CGB2: variants seen among roughly 807,000 people sequenced by gnomAD.
The protein encoded by CGB2 is choriogonadotropin subunit beta variant 2.
CGB2 carries 4 observed loss-of-function variants against 7.1 expected under a neutral mutation model. The ratio of observed to expected loss-of-function variants is 0.57; its 90% CI spans 0.28 to 1.29. The LOEUF is 1.29. CGB2 is among the 50% of genes most tolerant of loss of function. The pLI is 0.10. For missense variants in CGB2, 88 were observed against 224.0 expected (o/e 0.39, Z 3.88); for synonymous variants, 51 against 100.3 (o/e 0.51, Z 2.94).
Position 49,032,122 on chromosome 19 carries a change from T to G in CGB2, c.9+18T>G. 6.2e-7 allele frequency: 1 copy of G among 1,613,670 alleles called. No homozygotes were observed. The highest frequency in any genetic ancestry group is 8.5e-7 in the Non-Finnish European group (1 of 1,179,752). On this transcript the variant is annotated intron_variant, in intron 1 of 2. Coordinates refer to ENST00000359342, the MANE Select transcript of CGB2 (RefSeq NM_033378.2). ...TGTCAAAGGTAGGGTAGATCGACAT[T>G]TCCAGGCACCAAAGATGGAGATGTT... is the stretch of plus-strand genomic sequence containing the variant.
Position 49,032,670 on chromosome 19 carries a change from T to G in CGB2, c.176T>G (p.Met59Arg). The G allele has an allele frequency of 1.6e-6, 2 of 1,245,502 alleles. No individual in the cohort carries two copies. The allele number at this position is 1,245,502 out of a possible 1,614,324, so 77.2% of individuals were successfully genotyped here. A position where few individuals can be genotyped will look rare whatever the true frequency, so the allele number is the denominator to read the frequency against. The change falls in exon 2 of 3, where the codon ATG (methionine) becomes AGG (arginine). Residue 59 changes from methionine (M) to arginine (R), a missense_variant and splice_region_variant. This residue lies in a region of CGB2 where 59 missense variants were observed against 193.3 expected (regional missense o/e 0.31). Transcript: ENST00000359342. ...TTICAGYCPT[M>R]TRVLQGVLPA... Reference sequence around the variant, plus strand: ...ATCTGTGCCGGCTACTGCCCCACCATGGTGAGCTGCCCGGGGCCGGGGCAG... The same window carrying G: ...ATCTGTGCCGGCTACTGCCCCACCAGGGTGAGCTGCCCGGGGCCGGGGCAG...
rs1463998004 is a variant in CGB2 at position 49,032,092 on chromosome 19, AGAC to A, written c.-3_-1del. 1.9e-6 allele frequency: 3 copies of A among 1,613,782 alleles called. No homozygotes were observed. Among genetic ancestry groups the A allele is most frequent in the Non-Finnish European group, 2.5e-6 (3 of 1,179,830 alleles). On this transcript the variant is annotated 5_prime_UTR_variant, in exon 1 of 3. Transcript: ENST00000359342. ...TGCGGAAGATATCCCGCTAAGAGAG[AGAC>A]ATGTCAAAGGTAGGGTAGATCGACA...
rs560269918 is a variant in CGB2 at position 49,032,024 on chromosome 19, C to A, written c.-72C>A. 1.4e-5 allele frequency: 23 copies of A among 1,607,334 alleles called. No individual in the cohort carries two copies. The highest frequency in any genetic ancestry group is 2.2e-5 in the South Asian group (2 of 90,946). ...CCCCTCACTCCCTGTCTCACTCCCC[C>A]ACGGAGACTCAATTTACTTTCCATG... On this transcript the variant is annotated 5_prime_UTR_variant, in exon 1 of 3. Coordinates refer to ENST00000359342, the MANE Select transcript of CGB2 (RefSeq NM_033378.2).
At chr19:49,032,138 T>G in intron 1 of CGB2, 34 bp downstream of exon 1, 2 of 1,613,532 alleles carry the variant, frequency 1.2e-6, no homozygotes, top group Non-Finnish European at 1.7e-6. Context: ...GCACCAAAGA[T>G]GGAGATGTTC....
At position 49,032,684 on chromosome 19, in the gene CGB2, G is replaced by A. The variant is rs2039755016; in HGVS notation, c.177+13G>A. 1.7e-6 allele frequency: 2 copies of A among 1,168,208 alleles called. No homozygotes were observed. Among genetic ancestry groups the A allele is most frequent in the Non-Finnish European group, 1.2e-6 (1 of 852,542 alleles). 72.4% of individuals were successfully genotyped at this position (1,168,208 alleles called of 1,614,324 possible). On this transcript the variant is annotated intron_variant, in intron 2 of 2. Transcript: ENST00000359342. The stretch of plus-strand genomic sequence containing the variant: ...CTGCCCCACCATGGTGAGCTGCCCG[G>A]GGCCGGGGCAGGTGCTGCCACCTCA...
chr19:49,032,315 G>T, intron 1 of CGB2, 189 bp from the exon 2 acceptor site: 1 of 1,575,962 alleles, frequency 6.3e-7, no homozygotes. Context: ...GATCTAAAAT[G>T]TTGGGGTATC....
Position 49,033,010 on chromosome 19 carries a change from T to C in CGB2, c.281T>C (p.Val94Ala), listed in dbSNP as rs1338269947. Residue 94 changes from valine to alanine, a missense_variant, in exon 3 of 3, where the codon GTG becomes GCG. By Grantham distance (64) the Val-to-Ala change is moderately conservative. Coordinates refer to ENST00000359342, the MANE Select transcript of CGB2 (RefSeq NM_033378.2). ...CGGCTCCCTGGCTGCCCGCGCGGCGTGAACCCCGTGGTCTCCTACGCCGTG... is the reference window on the plus strand; with the variant it reads ...CGGCTCCCTGGCTGCCCGCGCGGCGCGAACCCCGTGGTCTCCTACGCCGTG... ...SIRLPGCPRG[V>A]NPVVSYAVAL... 1 of 1,543,888 alleles carries C rather than the reference T, an allele frequency of 6.5e-7. No individual in the cohort carries two copies. The highest frequency in any genetic ancestry group is 8.8e-7 in the Non-Finnish European group (1 of 1,140,792).
At position 49,032,052 on chromosome 19, in the gene CGB2, C is replaced by T. The variant is rs2039741019; in HGVS notation, c.-44C>T. The T allele has an allele frequency of 3.7e-6, 6 of 1,613,276 alleles. 1 individual carries two copies. The Middle Eastern group carries it at 8.3e-4, about 222-fold the overall frequency. On this transcript the variant is annotated 5_prime_UTR_variant, in exon 1 of 3. Coordinates refer to ENST00000359342, the MANE Select transcript of CGB2 (RefSeq NM_033378.2). The stretch of plus-strand genomic sequence containing the variant: ...GGAGACTCAATTTACTTTCCATGTC[C>T]ACATCCCCAGTGCTTGCGGAAGATA...
Position 49,032,310 on chromosome 19 carries a change from A to T in CGB2, c.10-194A>T, listed in dbSNP as rs548335698. 8 of 1,574,362 alleles carry T rather than the reference A, an allele frequency of 5.1e-6. No homozygotes were observed. The South Asian group carries it at 9.1e-5, about 18-fold the overall frequency. On this transcript the variant is annotated intron_variant, in intron 1 of 2. Transcript: ENST00000359342. ...GGGCAGTTCCTGAGGGTGGGGATCT[A>T]AAATGTTGGGGTATCTGAGATCCTC... is the stretch of plus-strand genomic sequence containing the variant.
Position 49,032,246 on chromosome 19 carries a change from T to G in CGB2, c.9+142T>G, listed in dbSNP as rs553946679. On this transcript the variant is annotated intron_variant, in intron 1 of 2. Coordinates refer to ENST00000359342, the MANE Select transcript of CGB2 (RefSeq NM_033378.2). ...CCAGTGTGAGCTGTGGAAGGAGGCC[T>G]CTTTCTGGAGGAGCGTGACCCCCAG... The G allele has an allele frequency of 8.8e-5, 142 of 1,610,386 alleles. No individual in the cohort carries two copies. The African/African-American group carries it at 1.5e-3, about 17-fold the overall frequency.
Position 49,031,979 on chromosome 19 carries a change from T to A in CGB2, c.-117T>A. 6.9e-7 allele frequency: 1 copy of A among 1,450,414 alleles called. No individual in the cohort carries two copies. Among genetic ancestry groups the A allele is most frequent in the East Asian group, 2.3e-5 (1 of 43,740 alleles). 89.8% of individuals were successfully genotyped at this position (1,450,414 alleles called of 1,614,324 possible). Reference sequence around the variant, plus strand: ...ATTGGGTCCGCTGACTCCGGCCGGGTTCCCGTGCCGCGTCCAACACCCCTC... The same window carrying A: ...ATTGGGTCCGCTGACTCCGGCCGGGATCCCGTGCCGCGTCCAACACCCCTC... On this transcript the variant is annotated 5_prime_UTR_variant, in exon 1 of 3. Coordinates refer to ENST00000359342, the MANE Select transcript of CGB2 (RefSeq NM_033378.2).
In CGB2 at chr19:49,032,085, AAG is replaced by A. The variant is rs766849487; in HGVS notation, c.-3_-2del. 1.8e-4 allele frequency: 295 copies of A among 1,613,788 alleles called. 4 individuals carry two copies. In the South Asian group the frequency reaches 2.9e-3, roughly 16 times the overall value. ...CAGTGCTTGCGGAAGATATCCCGCT[AAG>A]AGAGAGACATGTCAAAGGTAGGGTA... On this transcript the variant is annotated 5_prime_UTR_variant, in exon 1 of 3. Transcript: ENST00000359342.
Position 49,031,891 on chromosome 19 carries a change from C to A in CGB2, c.-205C>A. On this transcript the variant is annotated 5_prime_UTR_variant, in exon 1 of 3. Coordinates refer to ENST00000359342, the MANE Select transcript of CGB2 (RefSeq NM_033378.2). The stretch of plus-strand genomic sequence containing the variant: ...ACCCAGTCCCCAGGGCCAGTGAGGG[C>A]CCTGCGTTCCGTGGCGCCCCCTGGA... 5 of 638,534 alleles carry A rather than the reference C, an allele frequency of 7.8e-6. No individual in the cohort carries two copies. Among genetic ancestry groups the A allele is most frequent in the South Asian group, 7.2e-5 (4 of 55,848 alleles). 39.6% of individuals were successfully genotyped at this position (638,534 alleles called of 1,614,324 possible). A position where few individuals can be genotyped will look rare whatever the true frequency, so the allele number is the denominator to read the frequency against.
At position 49,032,349 on chromosome 19, in the gene CGB2, G is replaced by A. The variant is rs1049888245; in HGVS notation, c.10-155G>A. Reference sequence around the variant, plus strand: ...TCTGAGATCCTCTGGGCTGTGGGGTGGGCTCTGAAAGGCAGGTGTCCGGGT... The same window carrying A: ...TCTGAGATCCTCTGGGCTGTGGGGTAGGCTCTGAAAGGCAGGTGTCCGGGT... On this transcript the variant is annotated intron_variant, in intron 1 of 2. Coordinates refer to ENST00000359342, the MANE Select transcript of CGB2 (RefSeq NM_033378.2). 4.4e-6 allele frequency: 7 copies of A among 1,583,348 alleles called. No individual in the cohort carries two copies. The Admixed American group carries it at 7.3e-5, about 16-fold the overall frequency.
In CGB2 at chr19:49,032,568, C is replaced by T. The variant is rs1272451773; in HGVS notation, c.74C>T (p.Pro25Leu). ...TGGGCATCCAAGGAGCCGCTTCGGC[C>T]ACGGTGCCGCCCCATCAATGCCACC... ...GTWASKEPLR[P>L]RCRPINATLA... The change falls in exon 2 of 3, where the codon CCA (proline) becomes CTA (leucine). Residue 25 changes from proline (P) to leucine (L), a missense_variant. Coordinates refer to ENST00000359342, the MANE Select transcript of CGB2 (RefSeq NM_033378.2). The T allele has an allele frequency of 6.5e-7, 1 of 1,542,182 alleles. No individual in the cohort carries two copies. The highest frequency in any genetic ancestry group is 8.7e-7 in the Non-Finnish European group (1 of 1,151,696).
rs564264943 is a variant in CGB2 at position 49,032,055 on chromosome 19, A to G, written c.-41A>G. 4.5e-5 allele frequency: 73 copies of G among 1,613,262 alleles called. No homozygotes were observed. The highest frequency in any genetic ancestry group is 1.6e-4 in the Middle Eastern group (1 of 6,076). ...GACTCAATTTACTTTCCATGTCCAC[A>G]TCCCCAGTGCTTGCGGAAGATATCC... On this transcript the variant is annotated 5_prime_UTR_variant, in exon 1 of 3. Coordinates refer to ENST00000359342, the MANE Select transcript of CGB2 (RefSeq NM_033378.2).
chr19:49,032,353 T>C (rs1313965847), intron 1 of CGB2, 151 bp from the exon 2 acceptor site: 1 of 1,585,098 alleles, frequency 6.3e-7, no homozygotes, highest in Non-Finnish European at 8.6e-7. Flanking sequence ...TGGGGTGGGC[T>C]CTGAAAGGCA....
In CGB2 at chr19:49,032,322, T is replaced by C. The variant is rs1390120051; in HGVS notation, c.10-182T>C. The stretch of plus-strand genomic sequence containing the variant: ...AGGGTGGGGATCTAAAATGTTGGGG[T>C]ATCTGAGATCCTCTGGGCTGTGGGG... On this transcript the variant is annotated intron_variant, in intron 1 of 2. Transcript: ENST00000359342. 25 of 1,573,444 alleles carry C rather than the reference T, an allele frequency of 1.6e-5. No homozygotes were observed. In the African/African-American group the frequency reaches 1.8e-4, roughly 11 times the overall value.
chr19:49,031,971 C>A lies in CGB2; in HGVS notation c.-125C>A, dbSNP rs190529587. 1.5e-6 allele frequency: 2 copies of A among 1,360,818 alleles called. No homozygotes were observed. The highest frequency in any genetic ancestry group is 2.1e-6 in the Non-Finnish European group (2 of 955,412). The allele number at this position is 1,360,818 out of a possible 1,614,324, so 84.3% of individuals were successfully genotyped here. A position where few individuals can be genotyped will look rare whatever the true frequency, so the allele number is the denominator to read the frequency against. On this transcript the variant is annotated 5_prime_UTR_variant, in exon 1 of 3. Coordinates refer to ENST00000359342, the MANE Select transcript of CGB2 (RefSeq NM_033378.2). ...AGCAGCCAATTGGGTCCGCTGACTCCGGCCGGGTTCCCGTGCCGCGTCCAA... is the reference window on the plus strand; with the variant it reads ...AGCAGCCAATTGGGTCCGCTGACTCAGGCCGGGTTCCCGTGCCGCGTCCAA...
Sources: allele counts gnomAD v4.1 joint callset, GRCh38; gene constraint gnomAD v4.1.1; regional missense constraint gnomAD v4.1.1; transcripts MANE v1.5; gene names NCBI Gene and HGNC (gene_info 2026-07-23, HGNC 2026-07-21).